The following JUP variants were observed in gnomAD, a reference collection of about 807,000 sequenced individuals.
JUP encodes catenin (cadherin-associated protein), gamma 80kDa.
In JUP, 28 loss-of-function variants were observed where a neutral mutation model predicts 71.1. That is an observed-to-expected ratio of 0.39 (90% CI 0.29 to 0.54). The LOEUF (loss-of-function observed/expected upper bound fraction) is 0.54. Among genes scored for constraint, JUP ranks in the 20% least tolerant of loss-of-function variants. The pLI, the probability that JUP is intolerant of heterozygous loss-of-function variation, is 0.62. For missense variants in JUP, 869 were observed against 1,030.1 expected (o/e 0.84, Z 2.14); for synonymous variants, 401 against 438.9 (o/e 0.91, Z 1.08).
chr17:41,783,096 C>CAAAAA (rs527709887), intron 1 of JUP, among the ~76,000 whole-genome samples: 3,396 of 113,136 alleles, frequency 0.03, 53 homozygotes, highest in African/African-American at 0.05. Context: ...GACTCCATCT[C>CAAAAA]AAAAAAAAAA....
At chr17:41,763,572 C>G (rs141814034) in intron 7 of JUP, among the ~76,000 whole-genome samples, 7 of 152,278 alleles carry the variant, frequency 4.6e-5, no homozygotes, top group Non-Finnish European at 1.0e-4. Context: ...GGATCTGAAC[C>G]CAGGCTTGGC....
At chr17:41,771,321 C>G (rs1189747197) in intron 2 of JUP, 4 of 392,882 alleles carry the variant, frequency 1.0e-5, no homozygotes, top group Non-Finnish European at 1.9e-5. Context: ...CATGAGCCAC[C>G]GTACCCAATG....
Position 41,771,762 on chromosome 17 carries a change from G to A in JUP, c.93C>T (p.Asn31=), listed in dbSNP as rs1597835146. 2 of 1,614,188 alleles carry A rather than the reference G, an allele frequency of 1.2e-6. No homozygotes were observed. Among genetic ancestry groups the A allele is most frequent in the Non-Finnish European group, 1.7e-6 (2 of 1,180,024 alleles). ...TYDSGIHSGA[N]TCVPSVSSKG... is the part of the protein sequence containing the mutation. ...TGCTGCTGACGGAGGGCACGCAGGT[G>A]TTGGCGCCCGAGTGGATACCCGAGT... Residue 31 remains asparagine (N), a synonymous_variant, in exon 2 of 14, where the codon AAC becomes AAT. Transcript: ENST00000393931.
At position 41,764,773 on chromosome 17, in the gene JUP, G is replaced by A. The variant is rs1555603212; in HGVS notation, c.1098C>T (p.Pro366=). Residue 366 remains proline, a synonymous_variant, in exon 7 of 14, where the codon CCC becomes CCT. Transcript: ENST00000393931. The part of the protein sequence containing the change: ...ALGKHLTSNS[P]RLVQNCLWTL... ...TCCACAGGCAGTTCTGCACCAGGCG[G>A]GGGCTGTTGCTGGTCAGGTGCTTGC... 1.9e-6 allele frequency: 3 copies of A among 1,613,590 alleles called. No homozygotes were observed. The highest frequency in any genetic ancestry group is 2.2e-5 in the South Asian group (2 of 91,060).
intron 8 of JUP, among the ~76,000 whole-genome samples, chr17:41,762,776 G>A (rs1248752681): frequency 1.3e-5 from 2 of 152,306 alleles, no homozygotes; most frequent in South Asian, 2.1e-4. Flanking sequence ...CCTAGGGGCT[G>A]GTAGAGCTAC....
At chr17:41,784,974 G>C (rs1345938818) in intron 1 of JUP, 2 of 143,290 alleles carry the variant, frequency 1.4e-5, no homozygotes, top group East Asian at 1.9e-4. Flanking sequence ...ATTCTGGGTG[G>C]GGGGGGGCGG....
chr17:41,784,792 A>G (rs1293066163), intron 1 of JUP, among the ~76,000 whole-genome samples: 1 of 151,192 alleles, frequency 6.6e-6, no homozygotes, highest in Non-Finnish European at 1.5e-5. Context: ...CCCTCCAAGC[A>G]CTCTCGATCC....
intron 12 of JUP, 115 bp downstream of exon 12, chr17:41,757,300 A>G (rs1555598453): frequency 8.4e-7 from 1 of 1,188,166 alleles, no homozygotes; most frequent in African/African-American, 1.5e-5. Flanking sequence ...AAATGATCCA[A>G]TTACAAAATA....
In JUP at chr17:41,765,021, A is replaced by G; in HGVS notation, c.956T>C (p.Met319Thr). Residue 319 changes from methionine (M) to threonine (T), a missense_variant, in exon 6 of 14, where the codon ATG (methionine) becomes ACG (threonine). By Grantham distance (81) the Met-to-Thr change is moderately conservative. Coordinates refer to ENST00000393931, the MANE Select transcript of JUP (RefSeq NM_002230.4). ...NGGPQALVQIMRNYSYEKLLW... is the reference protein window; with the variant it reads ...NGGPQALVQITRNYSYEKLLW... ...CAGCTTTTCATAACTGTAGTTACGC[A>G]TGATCTGCACGAGGGCCTGGGGCCC... 1.2e-6 allele frequency: 2 copies of G among 1,614,110 alleles called. No homozygotes were observed. Among genetic ancestry groups the G allele is most frequent in the East Asian group, 2.2e-5 (1 of 44,880 alleles).
At chr17:41,763,461 C>T (rs1915222041) in intron 7 of JUP, 140 bp from the exon 8 acceptor site, 8 of 638,392 alleles carry the variant, frequency 1.3e-5, no homozygotes, top group South Asian at 3.7e-5. Flanking sequence ...CCCTATGACC[C>T]GCCACACCCT....
chr17:41,763,400 G>A lies in JUP; in HGVS notation c.1159-79C>T, dbSNP rs1915209730. On this transcript the variant is annotated intron_variant, in intron 7 of 13. Transcript: ENST00000393931. ...CTTCTCGAATATGTCCAAGGGGAGT[G>A]GGATGACCTAAAGGGGTCAGCCCTG... is the stretch of plus-strand genomic sequence containing the variant. 5 of 1,081,226 alleles carry A rather than the reference G, an allele frequency of 4.6e-6. No homozygotes were observed. In the Admixed American group the frequency reaches 7.5e-5, roughly 16 times the overall value. 67.0% of individuals were successfully genotyped at this position (1,081,226 alleles called of 1,614,324 possible).
At chr17:41,784,517 T>C (rs1336165721) in intron 1 of JUP, among the ~76,000 whole-genome samples, 1 of 152,174 alleles carries the variant, frequency 6.6e-6, no homozygotes, top group Non-Finnish European at 1.5e-5. Flanking sequence ...ACTAATCATG[T>C]AGCCAACATA....
chr17:41,781,078 G>A (rs1316170282), intron 1 of JUP, among the ~76,000 whole-genome samples: 5 of 152,050 alleles, frequency 3.3e-5, no homozygotes, highest in Admixed American at 3.3e-4. Flanking sequence ...CTACTCGGGA[G>A]GCTAAGGCAG....
In JUP at chr17:41,769,534, C is replaced by T. The variant is rs149004293; in HGVS notation, c.352G>A (p.Glu118Lys). ...GQATNLQRLA[E>K]PSQLLKSAIV... ...GCCGACTTGAGCAGCTGGGACGGCT[C>T]GGCCAGTCGCTGCAGGTTGGTGGCC... is the stretch of plus-strand genomic sequence containing the variant. Residue 118 changes from glutamate to lysine, a missense_variant, in exon 3 of 14, where the codon GAG (glutamate) becomes AAG (lysine). Transcript: ENST00000393931. 47 of 1,610,134 alleles carry T rather than the reference C, an allele frequency of 2.9e-5. No homozygotes were observed. The highest frequency in any genetic ancestry group is 2.8e-4 in the African/African-American group (21 of 74,928).
At chr17:41,761,578 A>G (rs1914811491) in intron 8 of JUP, among the ~76,000 whole-genome samples, 2 of 152,038 alleles carry the variant, frequency 1.3e-5, no homozygotes, top group Admixed American at 1.3e-4. Flanking sequence ...TTGGAAGGCC[A>G]AAGTGGGTGG....
At position 41,771,824 on chromosome 17, in the gene JUP, T is replaced by C. The variant is rs782310972; in HGVS notation, c.31A>G (p.Ile11Val). 2 of 1,613,696 alleles carry C rather than the reference T, an allele frequency of 1.2e-6. No individual in the cohort carries two copies. The highest frequency in any genetic ancestry group is 1.3e-5 in the African/African-American group (1 of 75,002). ...GTCTGCTGCCACTCAGTCACCTTGATAGGCTGCTCCATCAGGTTCATCACC... is the reference window on the plus strand; with the variant it reads ...GTCTGCTGCCACTCAGTCACCTTGACAGGCTGCTCCATCAGGTTCATCACC... MEVMNLMEQPIKVTEWQQTYT... is the reference protein window; with the variant it reads MEVMNLMEQPVKVTEWQQTYT... Residue 11 changes from isoleucine to valine, a missense_variant, in exon 2 of 14, where the codon ATC (isoleucine) becomes GTC (valine). Ile to Val is a conservative substitution (Grantham distance 29). Coordinates refer to ENST00000393931, the MANE Select transcript of JUP (RefSeq NM_002230.4).
At chr17:41,772,876 G>A in intron 1 of JUP, 2 of 985,480 alleles carry the variant, frequency 2.0e-6, no homozygotes, top group Non-Finnish European at 2.4e-6. Flanking sequence ...CTTCCCGCTT[G>A]GTCTGTGTTT....
At chr17:41,766,228 G>A (rs1555603976) in intron 5 of JUP, among the ~76,000 whole-genome samples, 8 of 151,500 alleles carry the variant, frequency 5.3e-5, no homozygotes, top group Admixed American at 4.6e-4. Context: ...CTCTAGCCTG[G>A]GTAACACAGT....
chr17:41,755,599 C>A lies in JUP; in HGVS notation c.*145G>T. On this transcript the variant is annotated 3_prime_UTR_variant, in exon 14 of 14. Coordinates refer to ENST00000393931, the MANE Select transcript of JUP (RefSeq NM_002230.4). ...AAGAAGAAGGCAGGCCAGGGCACAC[C>A]GTGCTTGGGGAAGCTCAGCAGCAAA... The A allele has an allele frequency of 1.3e-6, 1 of 777,212 alleles. No individual in the cohort carries two copies. The highest frequency in any genetic ancestry group is 1.9e-6 in the Non-Finnish European group (1 of 515,918). 48.1% of individuals were successfully genotyped at this position (777,212 alleles called of 1,614,324 possible). A position where few individuals can be genotyped will look rare whatever the true frequency, so the allele number is the denominator to read the frequency against.
Sources: allele counts gnomAD v4.1 joint callset (sites outside exome capture counted in the v4.1 genomes callset), GRCh38; gene constraint gnomAD v4.1.1; transcripts MANE v1.5; gene names NCBI Gene and HGNC (gene_info 2026-07-23, HGNC 2026-07-21).